The following SYT14 variants were observed in gnomAD, a reference collection of about 807,000 sequenced individuals.
SYT14 encodes the protein synaptotagmin 14.
Under a neutral mutation model 74.2 loss-of-function variants are expected in SYT14, and 32 were observed. The ratio of observed to expected loss-of-function variants is 0.43; its 90% CI spans 0.33 to 0.58. SYT14 has a LOEUF of 0.58. SYT14 is among the 20% of genes least tolerant of loss of function. The pLI is 0.05. For synonymous variants in SYT14, 298 were observed against 337.7 expected (o/e 0.88, Z 1.29); for missense variants, 791 against 981.8 (o/e 0.81, Z 2.60).
intron 2 of SYT14, among the ~76,000 whole-genome samples, chr1:209,982,474 C>G (rs1009430648): frequency 8.5e-5 from 13 of 152,266 alleles, no homozygotes; most frequent in African/African-American, 3.1e-4. Flanking sequence ...TTTTGTGTGA[C>G]TGGGTTAGTT....
chr1:209,979,407 A>G (rs1201086893), intron 2 of SYT14, among the ~76,000 whole-genome samples: 2 of 151,554 alleles, frequency 1.3e-5, no homozygotes, highest in Non-Finnish European at 2.9e-5. Context: ...TATGGATGAG[A>G]TGGTTTTCTT....
At chr1:210,004,403 A>G (rs2102889706) in intron 2 of SYT14, among the ~76,000 whole-genome samples, 1 of 152,086 alleles carries the variant, frequency 6.6e-6, no homozygotes. Context: ...ACGGGTTTAT[A>G]TATCTCCCAA....
rs1041380634 is a variant in SYT14, at chr1:209,978,856, G to T, written c.-486+26100G>T. Among the ~76,000 whole-genome samples the T allele has an allele frequency of 2.0e-5, 3 of 152,316 alleles. No individual in the cohort carries two copies. The South Asian group carries it at 6.2e-4, about 32-fold the overall frequency. On this transcript the variant is annotated intron_variant, in intron 2 of 9. Transcript: ENST00000637265. ...CTTGAGCTGTGCTGGGCTCCACCCA[G>T]TTCGAGCTTCCAGGCCCCTTTGTTT... is the stretch of plus-strand genomic sequence containing the variant.
chr1:210,151,253 C>T (rs2083152126), intron 7 of SYT14, among the ~76,000 whole-genome samples: 2 of 152,084 alleles, frequency 1.3e-5, no homozygotes, highest in African/African-American at 4.8e-5. Context: ...TAGGCAAGCC[C>T]CAGTTATAAA....
chr1:210,167,375 G>A (rs568105761), exon 10 of SYT14: 3 of 152,294 alleles, frequency 2.0e-5, no homozygotes, highest in Admixed American at 6.5e-5. Context: ...TTCCTTGATT[G>A]TTTTGTTCTT....
At chr1:209,978,320 C>T (rs1222146609) in intron 2 of SYT14, among the ~76,000 whole-genome samples, 1 of 152,134 alleles carries the variant, frequency 6.6e-6, no homozygotes, top group African/African-American at 2.4e-5. Context: ...TCTGTTTTTT[C>T]ACCATCTTTG....
At chr1:209,942,834 AACTTT>A (rs745404030) in intron 1 of SYT14, among the ~76,000 whole-genome samples, 6 of 152,188 alleles carry the variant, frequency 3.9e-5, no homozygotes, top group Non-Finnish European at 8.8e-5. Context: ...TTGCTGTATT[AACTTT>A]ACTTAACTTC....
At position 210,049,476 on chromosome 1, in the gene SYT14, A is replaced by G. The variant is rs573046536; in HGVS notation, c.1312+28222A>G. 2.0e-5 allele frequency among the ~76,000 whole-genome samples: 3 copies of G among 149,554 alleles called. No individual in the cohort carries two copies. The East Asian group carries it at 5.9e-4, about 29-fold the overall frequency. Reference sequence around the variant, plus strand: ...ACTTTAAGTCCTGGGATACATGTGCAGGACATGCAGGTTTGTTACATAGGT... The same window carrying G: ...ACTTTAAGTCCTGGGATACATGTGCGGGACATGCAGGTTTGTTACATAGGT... On this transcript the variant is annotated intron_variant, in intron 5 of 9. Transcript: ENST00000637265.
intron 5 of SYT14, among the ~76,000 whole-genome samples, chr1:210,064,932 CCTTG>C (rs2081269887): frequency 6.6e-6 from 1 of 151,998 alleles, no homozygotes; most frequent in Non-Finnish European, 1.5e-5. Flanking sequence ...ACTTGTTATT[CCTTG>C]CTTAGTTTTG....
chr1:209,989,064 T>C (rs887455885), intron 2 of SYT14, among the ~76,000 whole-genome samples: 1 of 152,094 alleles, frequency 6.6e-6, no homozygotes, highest in African/African-American at 2.4e-5. Flanking sequence ...GATGATCTCA[T>C]TTTTTTTCTT....
At chr1:209,952,293 A>G (rs973485053) in intron 1 of SYT14, among the ~76,000 whole-genome samples, 1 of 152,236 alleles carries the variant, frequency 6.6e-6, no homozygotes, top group Non-Finnish European at 1.5e-5. Context: ...TAATGTGAGC[A>G]TATATGATAA....
At chr1:210,058,977 G>A (rs748641109) in intron 5 of SYT14, among the ~76,000 whole-genome samples, 18 of 152,110 alleles carry the variant, frequency 1.2e-4, no homozygotes, top group Middle Eastern at 3.2e-3. Context: ...TAGTGCTTGC[G>A]ATGTAACAGG....
intron 2 of SYT14, among the ~76,000 whole-genome samples, chr1:209,969,769 G>A (rs970680629): frequency 5.3e-5 from 8 of 152,046 alleles, no homozygotes; most frequent in African/African-American, 1.2e-4. Flanking sequence ...GTGAGCCACC[G>A]TGCCTGGCCC....
intron 1 of SYT14, among the ~76,000 whole-genome samples, chr1:209,942,023 C>T (rs1326148430): frequency 6.6e-6 from 1 of 152,162 alleles, no homozygotes; most frequent in Non-Finnish European, 1.5e-5. Context: ...ATATTCAGTA[C>T]ACATACAACC....
At chr1:209,966,492 A>G (rs1166624547) in intron 2 of SYT14, among the ~76,000 whole-genome samples, 1 of 152,134 alleles carries the variant, frequency 6.6e-6, no homozygotes, top group Non-Finnish European at 1.5e-5. Context: ...GTATATTTCT[A>G]TTTAGTTCTT....
intron 7 of SYT14, among the ~76,000 whole-genome samples, chr1:210,121,087 ATAT>A (rs1184928679): frequency 6.6e-6 from 1 of 152,210 alleles, no homozygotes; most frequent in Non-Finnish European, 1.5e-5. Context: ...CCTTGGGTGA[ATAT>A]TCAGCCTCTC....
At chr1:210,151,047 A>G (rs1248796075) in intron 7 of SYT14, among the ~76,000 whole-genome samples, 1 of 152,222 alleles carries the variant, frequency 6.6e-6, no homozygotes, top group Non-Finnish European at 1.5e-5. Context: ...TTACTTTCAC[A>G]GAATTACTTG....
intron 5 of SYT14, among the ~76,000 whole-genome samples, chr1:210,033,749 T>G (rs557311454): frequency 6.6e-6 from 1 of 151,928 alleles, no homozygotes; most frequent in Non-Finnish European, 1.5e-5. Context: ...AATCTTTTAG[T>G]CATTGTGCCT....
intron 2 of SYT14, among the ~76,000 whole-genome samples, chr1:209,990,571 G>GTGTATATA (rs2079663240): frequency 4.3e-5 from 1 of 23,060 alleles, no homozygotes; most frequent in African/African-American, 8.2e-5. Context: ...GTATATATAT[G>GTGTATATA]TATGTATATT....
Sources: gnomAD v4.1 joint callset for allele counts (sites outside exome capture counted in the v4.1 genomes callset) on GRCh38, gnomAD v4.1.1 for gene constraint, MANE v1.5 for transcripts, NCBI Gene and HGNC (gene_info 2026-07-23, HGNC 2026-07-21) for gene names.